HNF4G: variants seen among roughly 807,000 people sequenced by gnomAD.
HNF4G encodes hepatocyte nuclear factor 4 gamma, also known as hepatocyte nuclear factor 4-gamma.
A neutral mutation model predicts 50.9 loss-of-function variants in HNF4G; 21 were observed. The observed-to-expected ratio is 0.41, with a 90% CI of 0.29 to 0.59. The LOEUF (loss-of-function observed/expected upper bound fraction) is 0.59. Ranked by LOEUF, HNF4G falls within the 20% of genes least tolerant of loss-of-function variation. The probability of loss-of-function intolerance (pLI) is 0.26; values close to 1 mark genes in which losing one functional copy is unlikely to be tolerated. For missense variants in HNF4G, 527 were observed against 559.4 expected, an observed-to-expected ratio of 0.94 and a Z score of 0.58; for synonymous variants, 198 against 185.6, an observed-to-expected ratio of 1.07 and a Z score of -0.54.
intron 2 of HNF4G, among the ~76,000 whole-genome samples, chr8:75,546,898 G>A (rs34740295): frequency 0.057 from 8,646 of 152,158 alleles, 301 homozygotes; most frequent in Non-Finnish European, 0.079. Flanking sequence ...GCATGGCATC[G>A]CTGGGTTATA....
At chr8:75,425,595 A>T (rs1250050008) in intron 1 of HNF4G, among the ~76,000 whole-genome samples, 1 of 148,000 alleles carries the variant, frequency 6.8e-6, no homozygotes, top group Non-Finnish European at 1.5e-5. Context: ...ATTTATATAT[A>T]TTATATATTT....
At chr8:75,542,634 G>A (rs941086309) in intron 1 of HNF4G, among the ~76,000 whole-genome samples, 17 of 152,126 alleles carry the variant, frequency 1.1e-4, no homozygotes, top group South Asian at 4.1e-4. Context: ...GGAGTTTTAC[G>A]GGGGTTTGAC....
At chr8:75,554,793 C>T (rs1461961777) in intron 5 of HNF4G, among the ~76,000 whole-genome samples, 1 of 152,028 alleles carries the variant, frequency 6.6e-6, no homozygotes, top group Non-Finnish European at 1.5e-5. Flanking sequence ...CTATAAAATG[C>T]TATAAAATGG....
At chr8:75,495,244 T>C (rs1435965389) in intron 2 of HNF4G, among the ~76,000 whole-genome samples, 1 of 152,220 alleles carries the variant, frequency 6.6e-6, no homozygotes, top group Non-Finnish European at 1.5e-5. Context: ...CAGAGTCATA[T>C]AGAAAACTTT....
In HNF4G at chr8:75,555,900, C is replaced by T. The variant is rs1807105203; in HGVS notation, c.646-82C>T. The T allele has an allele frequency of 1.8e-5, 13 of 719,202 alleles. 1 individual carries two copies. The South Asian group carries it at 3.8e-4, about 21-fold the overall frequency. The allele number at this position is 719,202 out of a possible 1,614,324, so 44.6% of individuals were successfully genotyped here. ...AACAAAAAGTCCCAGGCTTAAAGAA[C>T]ACTCTAAGTTAACAAGACTCATGTC... On this transcript the variant is annotated intron_variant, in intron 5 of 9. Coordinates refer to ENST00000396423, the MANE Select transcript of HNF4G (RefSeq NM_004133.5).
intron 1 of HNF4G, among the ~76,000 whole-genome samples, chr8:75,458,392 A>G (rs1191767733): frequency 1.4e-5 from 1 of 71,870 alleles, no homozygotes; most frequent in African/African-American, 5.8e-5. Flanking sequence ...TTTTTTTTTT[A>G]CTTCTAAGGA....
intron 2 of HNF4G, among the ~76,000 whole-genome samples, chr8:75,493,597 A>G (rs1585892842): frequency 6.6e-6 from 1 of 152,216 alleles, no homozygotes; most frequent in East Asian, 1.9e-4. Flanking sequence ...TTTTCTATAT[A>G]TTTGTTTACT....
chr8:75,513,820 T>A (rs887748450), intron 2 of HNF4G, among the ~76,000 whole-genome samples: 8 of 151,660 alleles, frequency 5.3e-5, no homozygotes, highest in Non-Finnish European at 8.8e-5. Flanking sequence ...GTGGACTTTT[T>A]ATTATATTTT....
chr8:75,553,814 A>C (rs1009869925), intron 5 of HNF4G, among the ~76,000 whole-genome samples: 2 of 152,154 alleles, frequency 1.3e-5, no homozygotes, highest in African/African-American at 4.8e-5. Flanking sequence ...CAAAAGATAG[A>C]GTGATCTTTT....
intron 2 of HNF4G, among the ~76,000 whole-genome samples, chr8:75,531,278 G>A (rs1489477304): frequency 1.3e-5 from 2 of 152,082 alleles, no homozygotes; most frequent in African/African-American, 4.8e-5. Flanking sequence ...CAGATAGAAA[G>A]AGCTCATCAA....
At chr8:75,553,228 A>G in intron 5 of HNF4G, 31 bp downstream of exon 5, 1 of 1,569,984 alleles carries the variant, frequency 6.4e-7, no homozygotes. Flanking sequence ...AAATGCTTTA[A>G]AAATGCTTCT....
intron 1 of HNF4G, among the ~76,000 whole-genome samples, chr8:75,449,567 G>C (rs1436745349): frequency 2.0e-4 from 29 of 148,362 alleles, no homozygotes; most frequent in Admixed American, 3.4e-4. Flanking sequence ...AGTGCAGTGG[G>C]GCGATCTCGG....
At chr8:75,559,141 C>T in intron 8 of HNF4G, 104 bp downstream of exon 8, 1 of 783,908 alleles carries the variant, frequency 1.3e-6, no homozygotes. Flanking sequence ...ACTGAAGTTG[C>T]TGTGATGCTC....
At chr8:75,473,693 G>C (rs1174060466) in intron 1 of HNF4G, among the ~76,000 whole-genome samples, 1 of 152,154 alleles carries the variant, frequency 6.6e-6, no homozygotes. Flanking sequence ...ATGTTAGGAA[G>C]ATTAGACAGC....
intron 1 of HNF4G, among the ~76,000 whole-genome samples, chr8:75,416,868 G>A (rs1288979026): frequency 6.6e-6 from 1 of 152,128 alleles, no homozygotes; most frequent in African/African-American, 2.4e-5. Context: ...CGTGATTCAA[G>A]CCTGCAGCTT....
intron 2 of HNF4G, among the ~76,000 whole-genome samples, chr8:75,526,799 T>C (rs1806194288): frequency 6.6e-6 from 1 of 151,490 alleles, no homozygotes; most frequent in East Asian, 1.9e-4. Flanking sequence ...TGGAGTCTCG[T>C]TCTGTCGCCC....
chr8:75,437,165 A>G (rs1811159591), intron 1 of HNF4G, among the ~76,000 whole-genome samples: 1 of 152,270 alleles, frequency 6.6e-6, no homozygotes, highest in Non-Finnish European at 1.5e-5. Flanking sequence ...AGTTTCGAAT[A>G]TAAAAAGTCA....
chr8:75,491,509 C>T (rs887301415), intron 2 of HNF4G, among the ~76,000 whole-genome samples: 7 of 151,134 alleles, frequency 4.6e-5, no homozygotes, highest in South Asian at 2.1e-4. Context: ...GGATCTGGCT[C>T]TGTTGCCCAG....
At chr8:75,479,594 G>A (rs1242265636) in intron 1 of HNF4G, among the ~76,000 whole-genome samples, 1 of 142,418 alleles carries the variant, frequency 7.0e-6, no homozygotes, top group African/African-American at 2.7e-5. Flanking sequence ...TTTTTTTTTG[G>A]TGTATGTGTC....
Sources: gnomAD v4.1 joint callset for allele counts (sites outside exome capture counted in the v4.1 genomes callset) on GRCh38, gnomAD v4.1.1 for gene constraint, MANE v1.5 for transcripts, NCBI Gene and HGNC (gene_info 2026-07-23, HGNC 2026-07-21) for gene names.